The following SLC20A2 variants were observed in gnomAD, a reference collection of about 807,000 sequenced individuals.
SLC20A2 encodes the protein solute carrier family 20 member 2.
SLC20A2 carries 30 observed loss-of-function variants against 61.0 expected under a neutral mutation model. The ratio of observed to expected loss-of-function variants is 0.49; its 90% CI spans 0.37 to 0.67. The LOEUF (loss-of-function observed/expected upper bound fraction) is 0.67, where lower values mean the gene tolerates loss of function less well. Among genes scored for constraint, SLC20A2 ranks in the 30% least tolerant of loss-of-function variants. The pLI, the probability that SLC20A2 is intolerant of heterozygous loss-of-function variation, is 0.00. For synonymous variants in SLC20A2, 351 were observed against 353.3 expected (o/e 0.99, Z 0.07); for missense variants, 626 against 866.4 (o/e 0.72, Z 3.48).
intron 5 of SLC20A2, among the ~76,000 whole-genome samples, chr8:42,454,183 C>T (rs779011827): frequency 6.6e-6 from 1 of 152,026 alleles, no homozygotes; most frequent in Non-Finnish European, 1.5e-5. Context: ...TTTTTATTTT[C>T]AGTAGAAACA....
At chr8:42,443,409 G>A (rs1410168777) in intron 6 of SLC20A2, among the ~76,000 whole-genome samples, 1 of 149,868 alleles carries the variant, frequency 6.7e-6, no homozygotes, top group African/African-American at 2.5e-5. Flanking sequence ...CTGCCCCCCC[G>A]GGTTCAAGCA....
At chr8:42,493,953 G>A (rs1809715472) in intron 1 of SLC20A2, among the ~76,000 whole-genome samples, 1 of 152,128 alleles carries the variant, frequency 6.6e-6, no homozygotes, top group South Asian at 2.1e-4. Flanking sequence ...ACCAGCCTGG[G>A]TAACATAGCG....
intron 1 of SLC20A2, among the ~76,000 whole-genome samples, chr8:42,526,498 C>A (rs1276961471): frequency 6.6e-6 from 1 of 151,792 alleles, no homozygotes; most frequent in Non-Finnish European, 1.5e-5. Context: ...ACAGTGAAAC[C>A]CCGTCTCTAC....
intron 1 of SLC20A2, among the ~76,000 whole-genome samples, chr8:42,537,370 C>CAAA (rs34392956): frequency 4.2e-4 from 36 of 86,106 alleles, no homozygotes; most frequent in African/African-American, 8.8e-4. Flanking sequence ...GACCCTGTCT[C>CAAA]AAAAAAAAAA....
At chr8:42,534,884 G>A (rs1254693506) in intron 1 of SLC20A2, 1 of 152,096 alleles carries the variant, frequency 6.6e-6, no homozygotes, top group African/African-American at 2.4e-5. Flanking sequence ...CTATTTCTCT[G>A]TCCATACAGA....
intron 7 of SLC20A2, among the ~76,000 whole-genome samples, chr8:42,438,067 A>AAAC (rs1804460732): frequency 7.0e-6 from 1 of 142,362 alleles, no homozygotes; most frequent in East Asian, 2.1e-4. Context: ...AAAAACCAAA[A>AAAC]AAAAAAAAAA....
At chr8:42,528,921 C>T (rs1812153538) in intron 1 of SLC20A2, among the ~76,000 whole-genome samples, 1 of 151,926 alleles carries the variant, frequency 6.6e-6, no homozygotes, top group Admixed American at 6.6e-5. Flanking sequence ...CCCGCCTCAG[C>T]CTCCCAAAGT....
chr8:42,494,439 G>T (rs1052361966), intron 1 of SLC20A2, among the ~76,000 whole-genome samples: 16 of 151,976 alleles, frequency 1.1e-4, no homozygotes, highest in African/African-American at 3.9e-4. Flanking sequence ...TAACATACAG[G>T]TAACCAAAAA....
intron 5 of SLC20A2, among the ~76,000 whole-genome samples, chr8:42,453,094 A>T (rs1805873213): frequency 6.6e-6 from 1 of 151,974 alleles, no homozygotes; most frequent in African/African-American, 2.4e-5. Flanking sequence ...CTGGCCAGGG[A>T]CCACACATTG....
At chr8:42,537,559 GT>G (rs1311522600) in intron 1 of SLC20A2, 1 of 152,106 alleles carries the variant, frequency 6.6e-6, no homozygotes, top group African/African-American at 2.4e-5. Context: ...TTTGGCATAA[GT>G]TTTTTGATAC....
At chr8:42,470,205 T>A (rs1563495276) in intron 2 of SLC20A2, among the ~76,000 whole-genome samples, 1 of 150,338 alleles carries the variant, frequency 6.7e-6, no homozygotes, top group Admixed American at 6.6e-5. Context: ...ATGAAAGTGA[T>A]CTTGAACCTG....
At chr8:42,477,232 C>T (rs567419865) in intron 1 of SLC20A2, among the ~76,000 whole-genome samples, 3 of 152,214 alleles carry the variant, frequency 2.0e-5, no homozygotes, top group African/African-American at 7.2e-5. Flanking sequence ...AGAAGTGTTT[C>T]GCCTCAAGCA....
intron 1 of SLC20A2, among the ~76,000 whole-genome samples, chr8:42,522,898 A>C (rs1310103731): frequency 2.6e-5 from 2 of 77,198 alleles, no homozygotes; most frequent in Non-Finnish European, 4.7e-5. Context: ...AAATCTGTAG[A>C]GATGGCGGGG....
At chr8:42,500,821 CT>C (rs1205056498) in intron 1 of SLC20A2, among the ~76,000 whole-genome samples, 3 of 152,038 alleles carry the variant, frequency 2.0e-5, no homozygotes, top group African/African-American at 7.3e-5. Flanking sequence ...GAATCGAAAA[CT>C]TTTTCTTGGG....
At chr8:42,447,494 G>A (rs60761812) in intron 5 of SLC20A2, among the ~76,000 whole-genome samples, 1,869 of 152,054 alleles carry the variant, frequency 0.012, 11 homozygotes, top group Non-Finnish European at 0.02. Flanking sequence ...TGGCTAACAC[G>A]GTGAAACCCC....
Position 42,417,704 on chromosome 8 carries a change from T to C in SLC20A2, c.*99A>G, listed in dbSNP as rs1563430205. 1.5e-6 allele frequency: 2 copies of C among 1,333,184 alleles called. No homozygotes were observed. The highest frequency in any genetic ancestry group is 2.1e-6 in the Non-Finnish European group (2 of 947,836). 82.6% of individuals were successfully genotyped at this position (1,333,184 alleles called of 1,614,324 possible). ...CAGAGAGCTGGTCATGAGAGAGCCG[T>C]GCACGGCCAGGATGTGTATGTGCGG... On this transcript the variant is annotated 3_prime_UTR_variant, in exon 11 of 11. Coordinates refer to ENST00000520262, the MANE Select transcript of SLC20A2 (RefSeq NM_001257180.2).
At chr8:42,444,913 T>C in intron 5 of SLC20A2, 151 bp from the exon 6 acceptor site, 1 of 597,086 alleles carries the variant, frequency 1.7e-6, no homozygotes, top group East Asian at 2.8e-5. Context: ...TGCTATACTT[T>C]TTGGAGTAGA....
At chr8:42,450,238 T>A (rs746741701) in intron 5 of SLC20A2, among the ~76,000 whole-genome samples, 8 of 151,966 alleles carry the variant, frequency 5.3e-5, no homozygotes, top group African/African-American at 1.9e-4. Context: ...TTCGTTCTTT[T>A]TTTTTTTGAG....
chr8:42,532,823 C>T (rs1812422393), intron 1 of SLC20A2, among the ~76,000 whole-genome samples: 2 of 152,148 alleles, frequency 1.3e-5, no homozygotes, highest in Admixed American at 6.6e-5. Flanking sequence ...AAGTGGACCA[C>T]AGGCGAGGGT....
Sources: gnomAD v4.1 joint callset for allele counts (sites outside exome capture counted in the v4.1 genomes callset) on GRCh38, gnomAD v4.1.1 for gene constraint, MANE v1.5 for transcripts, NCBI Gene and HGNC (gene_info 2026-07-23, HGNC 2026-07-21) for gene names.